The following EYS variants were observed in gnomAD, a reference collection of about 807,000 sequenced individuals.
The protein encoded by EYS is EGF-like photoreceptor maintenance factor, also known as protein eyes shut homolog.
In EYS, 250 loss-of-function variants were observed where a neutral mutation model predicts 282.1. That is an observed-to-expected ratio of 0.89 (90% CI 0.80 to 0.98). The LOEUF (loss-of-function observed/expected upper bound fraction) is 0.98, where lower values mean the gene tolerates loss of function less well. EYS is among the 50% of genes least tolerant of loss of function. EYS has a pLI of 0.00. For synonymous variants in EYS, 1,355 were observed against 1,282.9 expected (o/e 1.06, Z -1.20); for missense variants, 4,016 against 3,709.0 (o/e 1.08, Z -2.15).
At chr6:65,661,414 A>G (rs1767997566) in intron 1 of EYS, among the ~76,000 whole-genome samples, 1 of 152,028 alleles carries the variant, frequency 6.6e-6, no homozygotes, top group Non-Finnish European at 1.5e-5. Context: ...ATATAAATTT[A>G]AACAGAGTAA....
intron 1 of EYS, among the ~76,000 whole-genome samples, chr6:65,659,250 T>C (rs931587497): frequency 4.6e-5 from 7 of 151,786 alleles, no homozygotes; most frequent in Non-Finnish European, 7.4e-5. Flanking sequence ...TTCAGTATTT[T>C]TTTCCAGGAT....
At position 64,770,996 on chromosome 6, in the gene EYS, C is replaced by G. The variant is rs9452777; in HGVS notation, c.3443+42382G>C. On this transcript the variant is annotated intron_variant, in intron 22 of 42. Transcript: ENST00000503581. ...CCAAATACAATTGTTTTAACTGAGC[C>G]CTTGTCTGTTTGAAATTTCCTTGAT... Among the ~76,000 whole-genome samples, 369 of 151,642 alleles carry G rather than the reference C, an allele frequency of 2.4e-3. 1 individual carries two copies. Among genetic ancestry groups the G allele is most frequent in the African/African-American group, 7.5e-3 (310 of 41,444 alleles).
At chr6:64,135,920 A>G (rs1774145437) in intron 31 of EYS, among the ~76,000 whole-genome samples, 1 of 152,036 alleles carries the variant, frequency 6.6e-6, no homozygotes, top group Admixed American at 6.6e-5. Flanking sequence ...TTAAAATGAG[A>G]CGTCAATAAA....
At chr6:65,224,404 C>CG (rs1206215532) in intron 12 of EYS, among the ~76,000 whole-genome samples, 5 of 151,850 alleles carry the variant, frequency 3.3e-5, no homozygotes, top group African/African-American at 1.2e-4. Context: ...TTACAGACTG[C>CG]GGTAAAGGAG....
At chr6:64,547,778 G>A (rs555174892) in intron 26 of EYS, among the ~76,000 whole-genome samples, 11 of 152,332 alleles carry the variant, frequency 7.2e-5, no homozygotes, top group South Asian at 4.1e-4. Context: ...AGCAGGGGGC[G>A]GCGTTGGTCG....
At chr6:65,348,817 T>C (rs1770495019) in intron 9 of EYS, among the ~76,000 whole-genome samples, 1 of 151,678 alleles carries the variant, frequency 6.6e-6, no homozygotes, top group Admixed American at 6.6e-5. Context: ...GTTTCCCCAA[T>C]GTTTTCTTTT....
chr6:64,375,582 C>T (rs1488607213), intron 29 of EYS, among the ~76,000 whole-genome samples: 1 of 152,178 alleles, frequency 6.6e-6, no homozygotes, highest in Non-Finnish European at 1.5e-5. Flanking sequence ...CAGATACTAT[C>T]TACCTACCAG....
chr6:65,431,852 A>G (rs919332984), intron 5 of EYS, among the ~76,000 whole-genome samples: 1 of 152,178 alleles, frequency 6.6e-6, no homozygotes, highest in Non-Finnish European at 1.5e-5. Flanking sequence ...AATTAAATGC[A>G]ATTCATCATT....
At chr6:64,419,757 G>T (rs1361678438) in intron 28 of EYS, among the ~76,000 whole-genome samples, 2 of 152,236 alleles carry the variant, frequency 1.3e-5, no homozygotes, top group Non-Finnish European at 2.9e-5. Context: ...GCCTTGGGCA[G>T]CACTGCCCCT....
At chr6:65,542,115 CAGAT>C (rs1768189348) in intron 2 of EYS, among the ~76,000 whole-genome samples, 1 of 152,086 alleles carries the variant, frequency 6.6e-6, no homozygotes, top group African/African-American at 2.4e-5. Context: ...TCTAAATATA[CAGAT>C]AGATTTGACT....
At chr6:65,152,536 C>A (rs143972235) in intron 12 of EYS, among the ~76,000 whole-genome samples, 1 of 151,852 alleles carries the variant, frequency 6.6e-6, no homozygotes, top group Non-Finnish European at 1.5e-5. Context: ...GGGTGACCAT[C>A]TGCAATCCAA....
At chr6:65,544,449 CATCT>C (rs775225955) in intron 2 of EYS, among the ~76,000 whole-genome samples, 4 of 152,044 alleles carry the variant, frequency 2.6e-5, no homozygotes, top group Non-Finnish European at 5.9e-5. Context: ...CAGTTTCCCC[CATCT>C]GTTTTCATGA....
chr6:64,992,275 A>G (rs1178565536), intron 14 of EYS, among the ~76,000 whole-genome samples: 1 of 151,914 alleles, frequency 6.6e-6, no homozygotes, highest in African/African-American at 2.4e-5. Context: ...TACTATAAGA[A>G]GTTTTCATTT....
Position 64,082,011 on chromosome 6 carries a change from G to A in EYS, c.6425-9C>T. 1 of 1,514,020 alleles carries A rather than the reference G, an allele frequency of 6.6e-7. No homozygotes were observed. Among genetic ancestry groups the A allele is most frequent in the South Asian group, 1.2e-5 (1 of 81,974 alleles). The allele number at this position is 1,514,020 out of a possible 1,614,324, so 93.8% of individuals were successfully genotyped here. A position where few individuals can be genotyped will look rare whatever the true frequency, so the allele number is the denominator to read the frequency against. The stretch of plus-strand genomic sequence containing the variant: ...AAAGAATAAACCTGCATCTAAAAAA[G>A]AAAATGGTATTAATATGTTCTGATA... On this transcript the variant is annotated splice_polypyrimidine_tract_variant and intron_variant, in intron 31 of 42. Coordinates refer to ENST00000503581, the MANE Select transcript of EYS (RefSeq NM_001142800.2).
intron 26 of EYS, among the ~76,000 whole-genome samples, chr6:64,552,400 G>A (rs1213089694): frequency 6.6e-6 from 1 of 152,154 alleles, no homozygotes; most frequent in Non-Finnish European, 1.5e-5. Flanking sequence ...TCCCTTTCCA[G>A]GTGTTTTTAC....
chr6:64,101,071 C>CTT (rs949887694), intron 31 of EYS, among the ~76,000 whole-genome samples: 3 of 152,138 alleles, frequency 2.0e-5, no homozygotes, highest in African/African-American at 7.2e-5. Context: ...GTCTGTCATG[C>CTT]TTTTAAAAAC....
At chr6:64,022,517 C>T (rs1186563057) in intron 33 of EYS, among the ~76,000 whole-genome samples, 8 of 152,180 alleles carry the variant, frequency 5.3e-5, no homozygotes, top group African/African-American at 1.7e-4. Context: ...ATTATTTCAT[C>T]ACAACAAAAA....
intron 22 of EYS, among the ~76,000 whole-genome samples, chr6:64,735,925 A>C (rs1156673017): frequency 6.6e-6 from 1 of 151,980 alleles, no homozygotes; most frequent in Non-Finnish European, 1.5e-5. Flanking sequence ...AGATTAATTG[A>C]AATAGAGCTT....
At chr6:64,284,605 CT>C (rs1169418012) in intron 30 of EYS, among the ~76,000 whole-genome samples, 7 of 152,200 alleles carry the variant, frequency 4.6e-5, no homozygotes, top group African/African-American at 9.7e-5. Flanking sequence ...CCACATTTCC[CT>C]TCTTCATTGC....
Sources: allele counts gnomAD v4.1 joint callset (sites outside exome capture counted in the v4.1 genomes callset), GRCh38; gene constraint gnomAD v4.1.1; transcripts MANE v1.5; gene names NCBI Gene and HGNC (gene_info 2026-07-23, HGNC 2026-07-21).